The following DLG2 variants were observed in gnomAD, a reference collection of about 807,000 sequenced individuals.
DLG2 encodes the protein discs large MAGUK scaffold protein 2, also known as disks large homolog 2.
In DLG2, 45 loss-of-function variants were observed where a neutral mutation model predicts 132.5. The observed-to-expected ratio is 0.34, with a 90% CI of 0.27 to 0.44. The LOEUF is 0.44. Ranked by LOEUF, DLG2 falls within the 20% of genes least tolerant of loss-of-function variation. The pLI is 1.00. For synonymous variants in DLG2, 424 were observed against 419.6 expected, an observed-to-expected ratio of 1.01 and a Z score of -0.13; for missense variants, 1,045 against 1,196.9, an observed-to-expected ratio of 0.87 and a Z score of 1.87.
At chr11:85,600,620 A>G (rs974511098) in intron 2 of DLG2, among the ~76,000 whole-genome samples, 1 of 152,218 alleles carries the variant, frequency 6.6e-6, no homozygotes, top group Non-Finnish European at 1.5e-5. Context: ...TCTTGTATTC[A>G]TAGCCAACTT....
At chr11:84,101,799 G>GT (rs2092550062) in intron 9 of DLG2, among the ~76,000 whole-genome samples, 1 of 152,142 alleles carries the variant, frequency 6.6e-6, no homozygotes, top group Non-Finnish European at 1.5e-5. Flanking sequence ...ATTAATGAGA[G>GT]TAGGGAAGGA....
intron 7 of DLG2, among the ~76,000 whole-genome samples, chr11:84,489,382 C>T (rs566571020): frequency 1.3e-5 from 2 of 152,112 alleles, no homozygotes; most frequent in African/African-American, 4.8e-5. Context: ...AAACCATCTA[C>T]TATTCCTATT....
chr11:85,519,180 C>A (rs1394822363), intron 3 of DLG2, among the ~76,000 whole-genome samples: 1 of 152,126 alleles, frequency 6.6e-6, no homozygotes, highest in Non-Finnish European at 1.5e-5. Context: ...TAGAAGAGGA[C>A]CACCATCCTC....
At chr11:85,135,853 G>A (rs1051578572) in intron 5 of DLG2, among the ~76,000 whole-genome samples, 22 of 152,138 alleles carry the variant, frequency 1.4e-4, no homozygotes, top group Admixed American at 3.9e-4. Context: ...CTGCCCACAA[G>A]AGAATAAAAA....
intron 8 of DLG2, among the ~76,000 whole-genome samples, chr11:84,224,297 C>G (rs1341044804): frequency 6.6e-6 from 1 of 152,202 alleles, no homozygotes; most frequent in Non-Finnish European, 1.5e-5. Context: ...CCAGTTGAGT[C>G]CAGTCAATCC....
At chr11:84,672,926 A>C (rs1357444788) in intron 6 of DLG2, among the ~76,000 whole-genome samples, 1 of 152,166 alleles carries the variant, frequency 6.6e-6, no homozygotes, top group South Asian at 2.1e-4. Flanking sequence ...TACTCATGGC[A>C]GAAAGCAAAG....
chr11:83,603,823 G>C (rs2058932578), intron 19 of DLG2, among the ~76,000 whole-genome samples: 1 of 152,144 alleles, frequency 6.6e-6, no homozygotes, highest in Non-Finnish European at 1.5e-5. Flanking sequence ...CTATAGGGCT[G>C]TTTGAATCTT....
intron 14 of DLG2, among the ~76,000 whole-genome samples, chr11:83,955,941 TC>T (rs2086714279): frequency 6.6e-6 from 1 of 152,148 alleles, no homozygotes; most frequent in Admixed American, 6.5e-5. Context: ...TGGACTGGCT[TC>T]CTTGCCTCTC....
chr11:84,166,929 G>A (rs562748351), intron 8 of DLG2: 1 of 533,016 alleles, frequency 1.9e-6, no homozygotes, highest in Non-Finnish European at 3.8e-6. Flanking sequence ...TTCTTGTACA[G>A]TAACACTTAC....
At chr11:84,628,138 A>G (rs1246008091) in intron 6 of DLG2, among the ~76,000 whole-genome samples, 2 of 152,012 alleles carry the variant, frequency 1.3e-5, no homozygotes, top group African/African-American at 4.8e-5. Flanking sequence ...ACATATAGAT[A>G]TATATATACC....
chr11:84,702,045 C>T (rs1218843109), intron 6 of DLG2, among the ~76,000 whole-genome samples: 1 of 151,670 alleles, frequency 6.6e-6, no homozygotes, highest in East Asian at 2.0e-4. Context: ...TTGTTCATTT[C>T]CACAGGCCTA....
intron 19 of DLG2, among the ~76,000 whole-genome samples, chr11:83,543,274 G>C (rs1215220426): frequency 2.0e-5 from 3 of 152,164 alleles, no homozygotes; most frequent in Non-Finnish European, 4.4e-5. Context: ...GCTGGGGAAA[G>C]GCCAATGCCC....
chr11:84,306,607 T>C (rs549208681), intron 7 of DLG2, among the ~76,000 whole-genome samples: 1 of 152,308 alleles, frequency 6.6e-6, no homozygotes, highest in East Asian at 1.9e-4. Flanking sequence ...GCTTAGATAA[T>C]AATAAACTTT....
At chr11:85,338,412 C>G (rs1596343525) in intron 3 of DLG2, among the ~76,000 whole-genome samples, 1 of 152,258 alleles carries the variant, frequency 6.6e-6, no homozygotes, top group East Asian at 1.9e-4. Flanking sequence ...TTACTTAAAT[C>G]AGTTCTTTTC....
chr11:85,579,973 CAT>C (rs746493793), intron 3 of DLG2, among the ~76,000 whole-genome samples: 28 of 152,146 alleles, frequency 1.8e-4, no homozygotes, highest in Non-Finnish European at 3.7e-4. Flanking sequence ...ACAATTCACA[CAT>C]GTTGTGGGAG....
At chr11:84,721,215 G>A (rs370689747) in intron 6 of DLG2, among the ~76,000 whole-genome samples, 2 of 152,042 alleles carry the variant, frequency 1.3e-5, no homozygotes, top group Non-Finnish European at 2.9e-5. Flanking sequence ...TGCCTTGCCG[G>A]GGGCAGAGGG....
intron 6 of DLG2, among the ~76,000 whole-genome samples, chr11:84,776,795 T>A (rs1285951914): frequency 1.3e-5 from 2 of 152,196 alleles, no homozygotes; most frequent in South Asian, 2.1e-4. Flanking sequence ...ACTTTATCCA[T>A]TAATTACCTG....
At chr11:85,525,254 T>A (rs2074657235) in intron 3 of DLG2, among the ~76,000 whole-genome samples, 2 of 152,166 alleles carry the variant, frequency 1.3e-5, no homozygotes, top group African/African-American at 4.8e-5. Flanking sequence ...TATTTGCAAC[T>A]TAGGAGTAGA....
chr11:84,736,703 T>C (rs537106545), intron 6 of DLG2, among the ~76,000 whole-genome samples: 12 of 152,104 alleles, frequency 7.9e-5, no homozygotes, highest in Middle Eastern at 3.4e-3. Flanking sequence ...TGTTAGTACG[T>C]AGAAATACAA....
Sources: gnomAD v4.1 joint callset for allele counts (sites outside exome capture counted in the v4.1 genomes callset) on GRCh38, gnomAD v4.1.1 for gene constraint, MANE v1.5 for transcripts, NCBI Gene and HGNC (gene_info 2026-07-23, HGNC 2026-07-21) for gene names.